PRR16: variants seen among roughly 807,000 people sequenced by gnomAD.
PRR16 encodes protein Largen.
Under a neutral mutation model 18.2 loss-of-function variants are expected in PRR16, and 6 were observed. The observed-to-expected ratio is 0.33, with a 90% CI of 0.18 to 0.65. The LOEUF is 0.65. Ranked by LOEUF, PRR16 falls within the 30% of genes least tolerant of loss-of-function variation. The pLI, the probability that PRR16 is intolerant of heterozygous loss-of-function variation, is 0.74. For missense variants in PRR16, 412 were observed against 376.6 expected (o/e 1.09, Z -0.78); for synonymous variants, 151 against 147.8 (o/e 1.02, Z -0.16).
intron 1 of PRR16, among the ~76,000 whole-genome samples, chr5:120,578,362 G>C (rs1278389444): frequency 2.6e-5 from 4 of 152,054 alleles, no homozygotes; most frequent in African/African-American, 9.7e-5. Context: ...GTTGTTTGCT[G>C]CACCTATTGA....
intron 1 of PRR16, among the ~76,000 whole-genome samples, chr5:120,570,459 G>A (rs773711506): frequency 6.6e-4 from 100 of 152,246 alleles, no homozygotes; most frequent in Admixed American, 1.2e-3. Context: ...AGGGACCTAC[G>A]AAGCTTAAAT....
chr5:120,757,831 A>G, the PRR16 span, among the ~76,000 whole-genome samples: 13 of 152,036 alleles, frequency 8.6e-5, no homozygotes, highest in South Asian at 2.1e-4. Flanking sequence ...AATGAAGGTG[A>G]TATTGCTAGC....
At chr5:120,775,420 A>T in the PRR16 span, among the ~76,000 whole-genome samples, 1 of 152,130 alleles carries the variant, frequency 6.6e-6, no homozygotes, top group East Asian at 1.9e-4. Flanking sequence ...TGTCCATTCT[A>T]CACCCTAAAT....
chr5:120,546,142 C>T (rs975279512), intron 1 of PRR16, among the ~76,000 whole-genome samples: 5 of 152,028 alleles, frequency 3.3e-5, no homozygotes, highest in Admixed American at 1.3e-4. Context: ...AGTGGCAGAG[C>T]CCATGCTCTT....
chr5:120,511,225 A>G (rs147736755), intron 1 of PRR16, among the ~76,000 whole-genome samples: 12 of 152,338 alleles, frequency 7.9e-5, no homozygotes, highest in African/African-American at 2.6e-4. Context: ...GAATCAGTTT[A>G]GGATGAATGA....
intron 1 of PRR16, among the ~76,000 whole-genome samples, chr5:120,492,228 G>T (rs1449655497): frequency 6.7e-6 from 1 of 150,182 alleles, no homozygotes; most frequent in African/African-American, 2.5e-5. Flanking sequence ...GAGACTGCAG[G>T]CATGCATCCC....
chr5:120,771,669 A>G, the PRR16 span, among the ~76,000 whole-genome samples: 1 of 152,098 alleles, frequency 6.6e-6, no homozygotes, highest in Non-Finnish European at 1.5e-5. Flanking sequence ...AGGGAGGGGA[A>G]GCAGCAATCA....
intron 1 of PRR16, among the ~76,000 whole-genome samples, chr5:120,588,866 A>G (rs1753539252): frequency 6.6e-6 from 1 of 152,098 alleles, no homozygotes; most frequent in Non-Finnish European, 1.5e-5. Flanking sequence ...TAATAGGACA[A>G]TCCAATCTTT....
chr5:120,709,036 C>G, the PRR16 span, among the ~76,000 whole-genome samples: 1 of 102,800 alleles, frequency 9.7e-6, no homozygotes, highest in Non-Finnish European at 1.7e-5. Flanking sequence ...GAGACAGAGT[C>G]TTGCTCTGTG....
At chr5:120,525,386 G>T (rs1026286776) in intron 1 of PRR16, among the ~76,000 whole-genome samples, 3 of 151,868 alleles carry the variant, frequency 2.0e-5, no homozygotes, top group Non-Finnish European at 4.4e-5. Flanking sequence ...TAGCTTCATT[G>T]TTGTTTCTCT....
chr5:120,484,713 T>C (rs2112815411), intron 1 of PRR16, among the ~76,000 whole-genome samples: 1 of 148,722 alleles, frequency 6.7e-6, no homozygotes, highest in South Asian at 2.1e-4. Flanking sequence ...ATTTTCAGAG[T>C]ATATCATTTT....
intron 1 of PRR16, among the ~76,000 whole-genome samples, chr5:120,673,455 T>C (rs1756683782): frequency 6.6e-6 from 1 of 152,242 alleles, no homozygotes; most frequent in Admixed American, 6.5e-5. Context: ...TTACAAATTA[T>C]AGAGTTAAAA....
chr5:120,723,770 T>C, the PRR16 span, among the ~76,000 whole-genome samples: 1 of 151,992 alleles, frequency 6.6e-6, no homozygotes, highest in Non-Finnish European at 1.5e-5. Context: ...TTTGTCCCTA[T>C]GCATTACATA....
At chr5:120,697,367 C>T in the PRR16 span, among the ~76,000 whole-genome samples, 41 of 152,208 alleles carry the variant, frequency 2.7e-4, no homozygotes, top group African/African-American at 9.1e-4. Context: ...GTGTCAGACA[C>T]GAAGATAAAA....
chr5:120,786,069 T>G, the PRR16 span, among the ~76,000 whole-genome samples: 1 of 149,870 alleles, frequency 6.7e-6, no homozygotes, highest in Non-Finnish European at 1.5e-5. Flanking sequence ...TATTTCACAG[T>G]TTGTGGAAGA....
At chr5:120,772,359 C>T in the PRR16 span, among the ~76,000 whole-genome samples, 1 of 152,008 alleles carries the variant, frequency 6.6e-6, no homozygotes, top group Admixed American at 6.6e-5. Context: ...CATCTGTAAT[C>T]TTTAATCTCT....
At chr5:120,699,042 C>G in the PRR16 span, among the ~76,000 whole-genome samples, 1 of 152,218 alleles carries the variant, frequency 6.6e-6, no homozygotes, top group East Asian at 1.9e-4. Flanking sequence ...GTGAAAGTGT[C>G]TATTCAGACT....
the PRR16 span, among the ~76,000 whole-genome samples, chr5:120,702,193 T>G: frequency 2.2e-5 from 3 of 138,622 alleles, no homozygotes; most frequent in Admixed American, 7.2e-5. Context: ...GAGGTTGGGG[T>G]GTGGAAATAA....
chr5:120,698,010 C>G, the PRR16 span, among the ~76,000 whole-genome samples: 221 of 152,204 alleles, frequency 1.5e-3, no homozygotes, highest in African/African-American at 5.1e-3. Context: ...GATGCGATGG[C>G]TTGGCTTGGA....
Sources: gnomAD v4.1 joint callset for allele counts (sites outside exome capture counted in the v4.1 genomes callset) on GRCh38, gnomAD v4.1.1 for gene constraint, MANE v1.5 for transcripts, NCBI Gene and HGNC (gene_info 2026-07-23, HGNC 2026-07-21) for gene names.